Variants in ABCC6 observed in about 807,000 individuals in gnomAD.
The protein encoded by ABCC6 is ATP-binding cassette sub-family C member 6.
In ABCC6, 126 loss-of-function variants were observed where a neutral mutation model predicts 169.5. The ratio of observed to expected loss-of-function variants is 0.74; its 90% confidence interval spans 0.64 to 0.86. ABCC6 has a LOEUF of 0.86. Among genes scored for constraint, ABCC6 ranks in the 40% least tolerant of loss-of-function variants. The pLI is 0.00. For synonymous variants in ABCC6, 752 were observed against 814.7 expected (o/e 0.92, Z 1.31); for missense variants, 1,733 against 1,927.2 (o/e 0.90, Z 1.89).
Position 16,201,986 on chromosome 16 carries a change from T to C in ABCC6, c.1176+15A>G, listed in dbSNP as rs764956250. On this transcript the variant is annotated intron_variant, in intron 9 of 30. Transcript: ENST00000205557. ...TCCTGGCTGGGAAGACCTGCCCTTG[T>C]CCCCCAGGGCTCACCTTTCTGTACA... The C allele has an allele frequency of 6.2e-7, 1 of 1,613,788 alleles. No homozygotes were observed. Among genetic ancestry groups the C allele is most frequent in the Non-Finnish European group, 8.5e-7 (1 of 1,179,822 alleles).
In ABCC6 at chr16:16,157,615, C is replaced by T. The variant is rs60232261; in HGVS notation, c.3882+48G>A. The T allele has an allele frequency of 6.7e-4, 1,087 of 1,612,436 alleles. 8 individuals are homozygous for T. The African/African-American group carries it at 0.013, about 19-fold the overall frequency. ...GGGTTTAGGGCCTTGTCCCTGGAGT[C>T]CTTTGGCCTAAACTCCATGAAGAAG... On this transcript the variant is annotated intron_variant, in intron 27 of 30. Coordinates refer to ENST00000205557, the MANE Select transcript of ABCC6 (RefSeq NM_001171.6).
At chr16:16,170,919 C>CA (rs1220574453) in intron 21 of ABCC6, among the ~76,000 whole-genome samples, 27 of 22,294 alleles carry the variant, frequency 1.2e-3, no homozygotes, top group African/African-American at 3.2e-3. Flanking sequence ...AACTCTGTCT[C>CA]AAAAAAAAAA....
chr16:16,215,031 T>C (rs928475672), intron 4 of ABCC6, among the ~76,000 whole-genome samples: 8 of 152,264 alleles, frequency 5.3e-5, no homozygotes, highest in Admixed American at 2.0e-4. Context: ...GACAATGAGA[T>C]GAAGAAACAA....
chr16:16,198,909 G>A (rs568104839), intron 9 of ABCC6, among the ~76,000 whole-genome samples: 7 of 151,920 alleles, frequency 4.6e-5, no homozygotes, highest in South Asian at 2.1e-4. Flanking sequence ...CAAGAGAATC[G>A]CTTAAACCCA....
chr16:16,204,822 TTTTC>T (rs1294883810), intron 7 of ABCC6, among the ~76,000 whole-genome samples: 9 of 150,820 alleles, frequency 6.0e-5, no homozygotes, highest in Non-Finnish European at 1.3e-4. Flanking sequence ...AGTAATTTCT[TTTTC>T]TTTTTCTTTT....
intron 11 of ABCC6, among the ~76,000 whole-genome samples, chr16:16,191,635 CCT>C: frequency 1.4e-5 from 1 of 73,314 alleles, no homozygotes; most frequent in Non-Finnish European, 3.1e-5. Context: ...TGCTTTCTTC[CCT>C]CTTTCCTTTT....
chr16:16,208,117 C>T (rs1272279020), intron 7 of ABCC6, among the ~76,000 whole-genome samples: 2 of 151,002 alleles, frequency 1.3e-5, no homozygotes, highest in Non-Finnish European at 2.9e-5. Context: ...CAACCCTCCA[C>T]CCCGGCCTTA....
chr16:16,150,197 G>T lies in ABCC6; in HGVS notation c.4448C>A (p.Pro1483Gln), dbSNP rs63750135. The part of the protein sequence containing the change: ...DKGQVAESGS[P>Q]AQLLAQKGLF... Reference sequence around the variant, plus strand: ...GCCCTTCTGGGCCAGCAGCTGGGCCGGGCTGCCGCTCTCTGCCACCTGCCC... The same window carrying T: ...GCCCTTCTGGGCCAGCAGCTGGGCCTGGCTGCCGCTCTCTGCCACCTGCCC... Residue 1483 changes from proline (P) to glutamine (Q), a missense_variant, in exon 31 of 31, where the codon CCG becomes CAG. Transcript: ENST00000205557. 8 of 1,613,590 alleles carry T rather than the reference G, an allele frequency of 5.0e-6. No individual in the cohort carries two copies. In the Admixed American group the frequency reaches 1.0e-4, roughly 20 times the overall value.
chr16:16,197,897 G>T, intron 10 of ABCC6, 124 bp downstream of exon 10: 3 of 1,182,816 alleles, frequency 2.5e-6, no homozygotes, highest in Non-Finnish European at 3.6e-6. Flanking sequence ...TGGGGTCACA[G>T]CGGACCTCTT....
At chr16:16,185,744 C>T (rs956996705) in intron 14 of ABCC6, among the ~76,000 whole-genome samples, 1 of 151,834 alleles carries the variant, frequency 6.6e-6, no homozygotes, top group South Asian at 2.1e-4. Context: ...AAGATTGCAC[C>T]ACTGCACTCC....
intron 22 of ABCC6, among the ~76,000 whole-genome samples, chr16:16,166,243 C>G (rs1490922928): frequency 6.6e-6 from 1 of 151,892 alleles, no homozygotes; most frequent in Non-Finnish European, 1.5e-5. Context: ...GAGATGGGAT[C>G]TTGCTATGCT....
At chr16:16,194,718 T>C (rs1252810297) in intron 10 of ABCC6, among the ~76,000 whole-genome samples, 1 of 152,110 alleles carries the variant, frequency 6.6e-6, no homozygotes, top group East Asian at 1.9e-4. Context: ...TGAGATGGAT[T>C]CTTGTTCTGT....
At chr16:16,189,941 G>C (rs1189075959) in intron 12 of ABCC6, among the ~76,000 whole-genome samples, 1 of 152,106 alleles carries the variant, frequency 6.6e-6, no homozygotes, top group Non-Finnish European at 1.5e-5. Context: ...AACTCTCTCT[G>C]AGAGTTCAGC....
intron 27 of ABCC6, among the ~76,000 whole-genome samples, chr16:16,156,450 G>GC (rs2046555459): frequency 2.6e-5 from 4 of 152,178 alleles, no homozygotes; most frequent in South Asian, 4.1e-4. Context: ...AGCACCATGT[G>GC]CCCCCCTGGC....
At chr16:16,174,843 C>T (rs1328921432) in intron 20 of ABCC6, among the ~76,000 whole-genome samples, 3 of 149,158 alleles carry the variant, frequency 2.0e-5, no homozygotes, top group African/African-American at 4.9e-5. Context: ...TCACTGCAAC[C>T]TCCGCCTCCG....
intron 10 of ABCC6, among the ~76,000 whole-genome samples, chr16:16,197,030 C>T (rs143781318): frequency 4.9e-4 from 75 of 152,254 alleles, no homozygotes; most frequent in Middle Eastern, 3.4e-3. Context: ...AAATCCTATA[C>T]CACAACGTTA....
Position 16,178,812 on chromosome 16 carries a change from G to T in ABCC6, c.2401C>A (p.Leu801Ile). The T allele has an allele frequency of 6.2e-7, 1 of 1,613,830 alleles. No homozygotes were observed. Among genetic ancestry groups the T allele is most frequent in the Non-Finnish European group, 8.5e-7 (1 of 1,180,010 alleles). Residue 801 changes from leucine (L) to isoleucine (I), a missense_variant, in exon 18 of 31, where the codon CTA (leucine) becomes ATA (isoleucine). This residue lies in a region of ABCC6 where 1,601 missense variants were observed against 1,635.5 expected (regional missense o/e 0.98). Transcript: ENST00000205557. ...CCCAAACTTACTGTTCCCTGGAGTA[G>T]TCCACCAGGCCCAATGACCTGGTTG... ...VFNQVIGPGG[L>I]LQGTTRILVT...
chr16:16,168,651 G>A lies in ABCC6; in HGVS notation c.2995+995C>T, dbSNP rs77368860. 9.4e-3 allele frequency among the ~76,000 whole-genome samples: 1,430 copies of A among 152,262 alleles called. 8 individuals are homozygous for A. Among genetic ancestry groups the A allele is most frequent in the South Asian group, 0.034 (166 of 4,816 alleles). ...GGTTGCAAAAGGGCAACACGAGAGC[G>A]CCTCGTGGTGAGGGGGTTGTTCAGT... On this transcript the variant is annotated intron_variant, in intron 22 of 30. Coordinates refer to ENST00000205557, the MANE Select transcript of ABCC6 (RefSeq NM_001171.6).
At chr16:16,180,013 A>C (rs1477650305) in intron 17 of ABCC6, among the ~76,000 whole-genome samples, 1 of 152,236 alleles carries the variant, frequency 6.6e-6, no homozygotes, top group Non-Finnish European at 1.5e-5. Flanking sequence ...AGGCAGTGAC[A>C]GATCATCAGG....
Sources: gnomAD v4.1 joint callset for allele counts (sites outside exome capture counted in the v4.1 genomes callset) on GRCh38, gnomAD v4.1.1 for gene constraint, gnomAD v4.1.1 regional missense constraint, MANE v1.5 for transcripts, NCBI Gene and HGNC (gene_info 2026-07-23, HGNC 2026-07-21) for gene names.